Variants in ACYP2 observed in about 807,000 individuals in gnomAD.
ACYP2 encodes acylphosphatase-2.
In ACYP2, 12 loss-of-function variants were observed where a neutral mutation model predicts 11.2. That is an observed-to-expected ratio of 1.08 (90% CI 0.69 to 1.74). The LOEUF (loss-of-function observed/expected upper bound fraction) is 1.74. Ranked by LOEUF, ACYP2 falls within the 40% of genes most tolerant of loss-of-function variation. The pLI, the probability that ACYP2 is intolerant of heterozygous loss-of-function variation, is 0.00. For synonymous variants in ACYP2, 43 were observed against 32.2 expected, an observed-to-expected ratio of 1.33 and a Z score of -1.13; for missense variants, 134 against 101.9, an observed-to-expected ratio of 1.31 and a Z score of -1.35.
At chr2:54,207,807 C>T (rs1380983538) in intron 6 of ACYP2, among the ~76,000 whole-genome samples, 5 of 152,092 alleles carry the variant, frequency 3.3e-5, no homozygotes, top group Admixed American at 6.6e-5. Flanking sequence ...TTTTTTGAGT[C>T]GGTCTTCTGC....
intron 4 of ACYP2, among the ~76,000 whole-genome samples, chr2:54,067,703 A>G (rs11676462): frequency 0.25 from 37,491 of 152,112 alleles, 5,240 homozygotes; most frequent in South Asian, 0.46. Flanking sequence ...TATATCTAAA[A>G]GTAACTTTTT....
chr2:54,091,424 C>T (rs1678221056), intron 4 of ACYP2, among the ~76,000 whole-genome samples: 1 of 152,002 alleles, frequency 6.6e-6, no homozygotes. Flanking sequence ...TCTTTAATGG[C>T]CTCTGCAGAT....
chr2:53,995,469 T>TA (rs1225587301), intron 2 of ACYP2, among the ~76,000 whole-genome samples: 1,482 of 145,988 alleles, frequency 0.01, 22 homozygotes, highest in African/African-American at 0.036. Flanking sequence ...TGCTATTATT[T>TA]TTTATTTATT....
chr2:54,126,568 G>A (rs1212272466), intron 4 of ACYP2, among the ~76,000 whole-genome samples: 1 of 139,082 alleles, frequency 7.2e-6, no homozygotes, highest in East Asian at 2.1e-4. Context: ...AGTCAGCGTT[G>A]TGGTGACACA....
chr2:54,247,588 T>A (rs1275226624), intron 6 of ACYP2, among the ~76,000 whole-genome samples: 2 of 152,226 alleles, frequency 1.3e-5, no homozygotes, highest in Non-Finnish European at 2.9e-5. Context: ...TTTATTATAT[T>A]TAAATGGAAA....
chr2:54,269,893 T>C (rs1010809099), intron 6 of ACYP2, among the ~76,000 whole-genome samples: 3 of 152,204 alleles, frequency 2.0e-5, no homozygotes, highest in Admixed American at 1.3e-4. Flanking sequence ...CCAGTTTCCA[T>C]AATAATAATT....
At chr2:54,160,605 T>C (rs1023321829) in intron 6 of ACYP2, among the ~76,000 whole-genome samples, 17 of 152,220 alleles carry the variant, frequency 1.1e-4, no homozygotes, top group Admixed American at 8.5e-4. Flanking sequence ...GAAGGTGGAA[T>C]AAGGACCTTT....
chr2:53,983,884 G>A (rs1169894603), intron 2 of ACYP2, among the ~76,000 whole-genome samples: 1 of 152,208 alleles, frequency 6.6e-6, no homozygotes, highest in Admixed American at 6.5e-5. Context: ...AGTACAATGT[G>A]ATAGGAACAC....
intron 6 of ACYP2, among the ~76,000 whole-genome samples, chr2:54,171,873 G>C (rs1447563557): frequency 6.6e-6 from 1 of 151,930 alleles, no homozygotes; most frequent in Admixed American, 6.6e-5. Flanking sequence ...TCTTTAAAAA[G>C]GTGCCGTTTT....
intron 6 of ACYP2, chr2:54,256,063 C>A: frequency 2.5e-6 from 4 of 1,614,178 alleles, no homozygotes; most frequent in South Asian, 2.2e-5. Context: ...TGTCGCCTTG[C>A]TCTTTTCTCG....
intron 2 of ACYP2, among the ~76,000 whole-genome samples, chr2:54,018,275 A>G (rs1673806356): frequency 6.6e-6 from 1 of 152,200 alleles, no homozygotes; most frequent in Admixed American, 6.5e-5. Context: ...GTGAGGCCCA[A>G]GAATTTGTAT....
intron 2 of ACYP2, among the ~76,000 whole-genome samples, chr2:53,986,865 TCCACCTG>T: frequency 6.6e-6 from 1 of 151,988 alleles, no homozygotes; most frequent in African/African-American, 2.4e-5. Context: ...CCTCAGGTGA[TCCACCTG>T]CCTTGGCCTC....
intron 3 of ACYP2, among the ~76,000 whole-genome samples, chr2:54,056,006 G>C (rs148043001): frequency 2.7e-3 from 417 of 152,300 alleles, no homozygotes; most frequent in Non-Finnish European, 4.1e-3. Flanking sequence ...GGAAACCTAA[G>C]CTCAGAGAAG....
chr2:54,124,873 C>T (rs931435049), intron 4 of ACYP2, among the ~76,000 whole-genome samples: 10 of 152,008 alleles, frequency 6.6e-5, no homozygotes, highest in African/African-American at 2.4e-4. Flanking sequence ...CTATCTAAGA[C>T]GCATGTGCTA....
At chr2:53,988,472 C>T (rs1400607150) in intron 2 of ACYP2, among the ~76,000 whole-genome samples, 1 of 150,188 alleles carries the variant, frequency 6.7e-6, no homozygotes, top group East Asian at 2.0e-4. Flanking sequence ...ACGATCTCAG[C>T]TTATTGCAAC....
At chr2:54,203,175 C>T (rs1168249850) in intron 6 of ACYP2, among the ~76,000 whole-genome samples, 9 of 150,640 alleles carry the variant, frequency 6.0e-5, no homozygotes, top group Non-Finnish European at 5.9e-5. Flanking sequence ...AGTTTATAGT[C>T]TTGCACTTCT....
intron 6 of ACYP2, among the ~76,000 whole-genome samples, chr2:54,223,275 C>T (rs843759): frequency 0.24 from 35,861 of 151,936 alleles, 4,597 homozygotes; most frequent in South Asian, 0.42. Context: ...TGGTGAGAAC[C>T]GAAAGCATCT....
intron 2 of ACYP2, among the ~76,000 whole-genome samples, chr2:53,990,100 T>C (rs549057928): frequency 4.4e-4 from 67 of 151,178 alleles, no homozygotes; most frequent in African/African-American, 1.6e-3. Context: ...TGCCTCAGCC[T>C]CCGGAGTAGC....
At chr2:54,228,846 G>A (rs1686113770) in intron 6 of ACYP2, among the ~76,000 whole-genome samples, 1 of 152,104 alleles carries the variant, frequency 6.6e-6, no homozygotes. Context: ...TCACAGTAAG[G>A]AACCCAGCCA....
Sources: allele counts gnomAD v4.1 joint callset (sites outside exome capture counted in the v4.1 genomes callset), GRCh38; gene constraint gnomAD v4.1.1; transcripts MANE v1.5; gene names NCBI Gene and HGNC (gene_info 2026-07-23, HGNC 2026-07-21).